The following NUP62CL variants were observed in gnomAD, a reference collection of about 807,000 sequenced individuals.
NUP62CL encodes nucleoporin-62 C-terminal-like protein.
In NUP62CL, 13 loss-of-function variants were observed where a neutral mutation model predicts 15.3. That is an observed-to-expected ratio of 0.85 (90% CI 0.55 to 1.35). The LOEUF (loss-of-function observed/expected upper bound fraction) is 1.35. NUP62CL is among the 40% of genes most tolerant of loss of function. NUP62CL has a pLI of 0.00. For missense variants in NUP62CL, 123 were observed against 130.6 expected (o/e 0.94, Z 0.28); for synonymous variants, 54 against 49.2 (o/e 1.10, Z -0.41).
At position 107,191,037 on chromosome X, in the gene NUP62CL, C is replaced by CT. The variant is rs531150438; in HGVS notation, c.-48+1991dup. 4.4e-4 allele frequency among the ~76,000 whole-genome samples: 43 copies of CT among 97,708 alleles called. 1 individual carries two copies. Among genetic ancestry groups the CT allele is most frequent in the East Asian group, 1.3e-3 (4 of 3,175 alleles). The allele number at this position is 97,708 out of a possible 115,157, so 84.8% of individuals were successfully genotyped here. A position where few individuals can be genotyped will look rare whatever the true frequency, so the allele number is the denominator to read the frequency against. ...GTTGTGTGGAAGCAGTGTTGTCCAACTTTTTTTTTTTTTAATTGTTGTGGG... is the reference window on the plus strand; with the variant it reads ...GTTGTGTGGAAGCAGTGTTGTCCAACTTTTTTTTTTTTTTAATTGTTGTGGG... On this transcript the variant is annotated intron_variant, in intron 2 of 8. Coordinates refer to ENST00000372466, the MANE Select transcript of NUP62CL (RefSeq NM_017681.3).
intron 2 of NUP62CL, among the ~76,000 whole-genome samples, chrX:107,186,619 C>T: frequency 9.0e-6 from 1 of 111,650 alleles, no homozygotes; most frequent in African/African-American, 3.3e-5. Context: ...ACTTTTCGAG[C>T]GGGGCGTGAT....
At chrX:107,155,957 C>G (rs1327641075) in intron 4 of NUP62CL, among the ~76,000 whole-genome samples, 2 of 112,134 alleles carry the variant, frequency 1.8e-5, no homozygotes, top group African/African-American at 3.2e-5. Context: ...GCGAGGCATT[C>G]CCTCACCTGG....
intron 2 of NUP62CL, among the ~76,000 whole-genome samples, chrX:107,183,385 T>A (rs1251191527): frequency 1.8e-5 from 2 of 110,240 alleles, no homozygotes; most frequent in Non-Finnish European, 3.8e-5. Flanking sequence ...TCACTTGAGC[T>A]CAGGAGTTCA....
At chrX:107,153,110 C>T in intron 7 of NUP62CL, 62 bp downstream of exon 7, 1 of 1,068,807 alleles carries the variant, frequency 9.4e-7, no homozygotes, top group Non-Finnish European at 1.2e-6. Flanking sequence ...CCCTCTGTTC[C>T]TGGAATGCTC....
rs747936999 is a variant in NUP62CL, at chrX:107,198,700, G to A, written c.-91-5628C>T. 4.5e-5 allele frequency among the ~76,000 whole-genome samples: 5 copies of A among 111,671 alleles called. No homozygotes were observed. The East Asian group carries it at 1.4e-3, about 32-fold the overall frequency. The stretch of plus-strand genomic sequence containing the variant: ...TCCAGACACACTGCCTTTAAGAGCT[G>A]TAACACTCACTGCAAAGGTCTGCAG... On this transcript the variant is annotated intron_variant, in intron 1 of 8. Transcript: ENST00000372466.
At chrX:107,154,285 A>G (rs911156811) in intron 4 of NUP62CL, 39 bp from the exon 5 acceptor site, 1 of 1,094,180 alleles carries the variant, frequency 9.1e-7, no homozygotes. Flanking sequence ...CAATAATCAT[A>G]CTTTAAAAAG....
chrX:107,164,435 C>T (rs1926460436), intron 4 of NUP62CL, among the ~76,000 whole-genome samples: 2 of 109,357 alleles, frequency 1.8e-5, no homozygotes, highest in Admixed American at 9.8e-5. Flanking sequence ...CATACCTCAA[C>T]GAACTAGAAA....
intron 2 of NUP62CL, among the ~76,000 whole-genome samples, chrX:107,189,952 G>A (rs1407409389): frequency 3.2e-5 from 3 of 93,954 alleles, no homozygotes; most frequent in African/African-American, 1.3e-4. Flanking sequence ...AAAGAGAATC[G>A]ATACAGACAA....
At chrX:107,180,573 T>C (rs1003937116) in intron 2 of NUP62CL, among the ~76,000 whole-genome samples, 3 of 111,929 alleles carry the variant, frequency 2.7e-5, no homozygotes, top group Admixed American at 9.5e-5. Flanking sequence ...AGGTACAGAA[T>C]ACAAGTTAAA....
intron 8 of NUP62CL, among the ~76,000 whole-genome samples, chrX:107,125,652 TG>T (rs1309549810): frequency 9.0e-6 from 1 of 111,668 alleles, no homozygotes; most frequent in East Asian, 2.8e-4. Flanking sequence ...AATAACTAAC[TG>T]CGGGGTGCAA....
In NUP62CL at chrX:107,178,262, T is replaced by A. The variant is rs750738372; in HGVS notation, c.-47-3069A>T. 1.1e-4 allele frequency among the ~76,000 whole-genome samples: 12 copies of A among 111,930 alleles called. No individual in the cohort carries two copies. In the South Asian group the frequency reaches 4.5e-3, roughly 42 times the overall value. Reference sequence around the variant, plus strand: ...GATGAAAATATTCTAATACGGCCTGTTGTAATGGTTGCATAGCTCTGTGAA... The same window carrying A: ...GATGAAAATATTCTAATACGGCCTGATGTAATGGTTGCATAGCTCTGTGAA... On this transcript the variant is annotated intron_variant, in intron 2 of 8. Coordinates refer to ENST00000372466, the MANE Select transcript of NUP62CL (RefSeq NM_017681.3).
At chrX:107,155,909 GC>G (rs1290606493) in intron 4 of NUP62CL, among the ~76,000 whole-genome samples, 7 of 112,021 alleles carry the variant, frequency 6.2e-5, no homozygotes, top group Non-Finnish European at 9.4e-5. Context: ...GTGGGCGCAG[GC>G]CAGTGGGTGC....
At chrX:107,130,882 A>T (rs1602634034) in intron 8 of NUP62CL, among the ~76,000 whole-genome samples, 1 of 111,764 alleles carries the variant, frequency 8.9e-6, no homozygotes, top group African/African-American at 3.3e-5. Context: ...TTAAATATTG[A>T]TTTATGTGAA....
At chrX:107,138,118 G>GA (rs1214838043) in intron 8 of NUP62CL, among the ~76,000 whole-genome samples, 1 of 110,105 alleles carries the variant, frequency 9.1e-6, no homozygotes, top group African/African-American at 3.3e-5. Context: ...ATATTTGTAG[G>GA]AAAAAAAAGA....
At chrX:107,157,594 C>T (rs1258470775) in intron 4 of NUP62CL, among the ~76,000 whole-genome samples, 2 of 108,072 alleles carry the variant, frequency 1.9e-5, no homozygotes, top group African/African-American at 3.4e-5. Flanking sequence ...ATTTTGTCAC[C>T]ACCAGGCCTG....
chrX:107,147,053 A>G (rs1925898177), intron 8 of NUP62CL, among the ~76,000 whole-genome samples: 1 of 112,069 alleles, frequency 8.9e-6, no homozygotes, highest in African/African-American at 3.2e-5. Context: ...ATTCAAATTT[A>G]TAATGCAAAT....
At chrX:107,134,014 A>T (rs967228436) in intron 8 of NUP62CL, among the ~76,000 whole-genome samples, 10 of 112,432 alleles carry the variant, frequency 8.9e-5, no homozygotes, top group Non-Finnish European at 1.7e-4. Flanking sequence ...ATACACAGGC[A>T]TAATACTAGG....
chrX:107,201,623 C>T (rs1478604826), intron 1 of NUP62CL, among the ~76,000 whole-genome samples: 1 of 106,213 alleles, frequency 9.4e-6, no homozygotes, highest in African/African-American at 3.5e-5. Flanking sequence ...ATACTGCTGA[C>T]CAAAAAAAAA....
At chrX:107,205,608 C>T (rs766830312) in intron 1 of NUP62CL, among the ~76,000 whole-genome samples, 1 of 111,103 alleles carries the variant, frequency 9.0e-6, no homozygotes, top group South Asian at 3.9e-4. Context: ...CAAAAGTAAC[C>T]ATTCATTAAA....
Sources: allele counts gnomAD v4.1 joint callset (sites outside exome capture counted in the v4.1 genomes callset), GRCh38; gene constraint gnomAD v4.1.1; transcripts MANE v1.5; gene names NCBI Gene and HGNC (gene_info 2026-07-23, HGNC 2026-07-21).